Variants in GARNL3 observed in about 807,000 individuals in gnomAD.
GARNL3 encodes GTPase-activating Rap/Ran-GAP domain-like protein 3.
In GARNL3, 63 loss-of-function variants were observed where a neutral mutation model predicts 125.0. That is an observed-to-expected ratio of 0.50 (90% CI 0.41 to 0.62). The LOEUF (loss-of-function observed/expected upper bound fraction) is 0.62, where lower values mean the gene tolerates loss of function less well. GARNL3 is among the 20% of genes least tolerant of loss of function. GARNL3 has a pLI of 0.00. For synonymous variants in GARNL3, 439 were observed against 457.5 expected, an observed-to-expected ratio of 0.96 and a Z score of 0.52; for missense variants, 994 against 1,244.0, an observed-to-expected ratio of 0.80 and a Z score of 3.02.
At chr9:127,235,957 G>A (rs1360806772) in intron 1 of GARNL3, among the ~76,000 whole-genome samples, 1 of 152,186 alleles carries the variant, frequency 6.6e-6, no homozygotes, top group Non-Finnish European at 1.5e-5. Flanking sequence ...GTTTTATAAA[G>A]ATGTTTATAT....
At chr9:127,378,584 T>C (rs1389168297) in intron 22 of GARNL3, among the ~76,000 whole-genome samples, 2 of 21,256 alleles carry the variant, frequency 9.4e-5, no homozygotes, top group Non-Finnish European at 1.8e-4. Flanking sequence ...TGAAACTCCG[T>C]CACAAAAAAA....
Position 127,345,461 on chromosome 9 carries a change from G to A in GARNL3, c.1415G>A (p.Gly472Glu), listed in dbSNP as rs555374127. Reference protein sequence around the residue: ...GDAPSSLAASGICKKEPWEPQ... With the variant: ...GDAPSSLAASEICKKEPWEPQ... ...GCTCCATCAAGCTTGGCAGCTTCAG[G>A]GATCTGTAAAAAAGAGGTGAGTTCA... Residue 472 changes from glycine (G) to glutamate (E), a missense_variant, in exon 16 of 28, where the codon GGG becomes GAG. Transcript: ENST00000373387. 8.1e-6 allele frequency: 13 copies of A among 1,604,460 alleles called. No individual in the cohort carries two copies. In the African/African-American group the frequency reaches 1.6e-4, roughly 20 times the overall value.
exon 2 of GARNL3, chr9:127,243,207 C>G: frequency 2.2e-6 from 3 of 1,366,626 alleles, no homozygotes; most frequent in Non-Finnish European, 2.9e-6. Context: ...CCCCTTCAGA[C>G]ATGGCCAACG....
intron 13 of GARNL3, 114 bp downstream of exon 13, chr9:127,339,865 C>A: frequency 1.3e-6 from 1 of 755,226 alleles, no homozygotes; most frequent in Non-Finnish European, 2.4e-6. Flanking sequence ...TTCCATGTTC[C>A]GTTAATTCTT....
intron 22 of GARNL3, among the ~76,000 whole-genome samples, chr9:127,379,608 T>C (rs1415928697): frequency 6.6e-6 from 1 of 152,164 alleles, no homozygotes; most frequent in East Asian, 1.9e-4. Flanking sequence ...CTGTGAATAA[T>C]GAGTTCTTGA....
intron 2 of GARNL3, among the ~76,000 whole-genome samples, chr9:127,305,644 C>T (rs2064932353): frequency 6.6e-6 from 1 of 151,984 alleles, no homozygotes; most frequent in Non-Finnish European, 1.5e-5. Context: ...ACTATCATGG[C>T]TCACTGCAGC....
chr9:127,291,836 C>G (rs1159891463), intron 2 of GARNL3, among the ~76,000 whole-genome samples: 2 of 147,092 alleles, frequency 1.4e-5, no homozygotes, highest in African/African-American at 5.0e-5. Context: ...TCTTTGCTGC[C>G]TTTTTACACG....
At chr9:127,270,749 T>C (rs2063805062) in intron 1 of GARNL3, among the ~76,000 whole-genome samples, 1 of 152,268 alleles carries the variant, frequency 6.6e-6, no homozygotes, top group Non-Finnish European at 1.5e-5. Context: ...CTACTCTGTA[T>C]TGTTCATTGT....
intron 1 of GARNL3, among the ~76,000 whole-genome samples, chr9:127,270,242 G>A (rs1029342331): frequency 4.6e-5 from 7 of 152,192 alleles, no homozygotes; most frequent in Admixed American, 2.0e-4. Context: ...ATAGATGTGA[G>A]GGTTAGTTTC....
intron 9 of GARNL3, among the ~76,000 whole-genome samples, chr9:127,333,556 G>A (rs1829382666): frequency 6.6e-6 from 1 of 152,156 alleles, no homozygotes; most frequent in South Asian, 2.1e-4. Flanking sequence ...GTGCTATGGG[G>A]CATTTTGCCT....
rs763160611 is a variant in GARNL3 at position 127,391,524 on chromosome 9, C to CAAAAA, written c.2870+763_2870+767dup. 5.8e-4 allele frequency among the ~76,000 whole-genome samples: 41 copies of CAAAAA among 70,480 alleles called. 3 individuals are homozygous for CAAAAA. The highest frequency in any genetic ancestry group is 1.8e-3 in the African/African-American group (41 of 23,036). 46.2% of individuals were successfully genotyped at this position (70,480 alleles called of 152,430 possible). ...GGCAACACAGCAAGACCCATCTCTA[C>CAAAAA]AAAAAAAAAATATATATATATATAT... is the stretch of plus-strand genomic sequence containing the variant. On this transcript the variant is annotated intron_variant, in intron 27 of 27. Coordinates refer to ENST00000373387, the MANE Select transcript of GARNL3 (RefSeq NM_032293.5).
At chr9:127,354,018 G>A (rs992223848) in intron 18 of GARNL3, 74 bp downstream of exon 18, 8 of 986,268 alleles carry the variant, frequency 8.1e-6, no homozygotes, top group Admixed American at 7.3e-5. Flanking sequence ...ACCACAGGTC[G>A]CCAGGGTCTG....
At chr9:127,339,296 C>CAAAAA (rs58392654) in intron 12 of GARNL3, among the ~76,000 whole-genome samples, 1 of 120,904 alleles carries the variant, frequency 8.3e-6, no homozygotes, top group African/African-American at 2.9e-5. Context: ...GACTCCGTCT[C>CAAAAA]AAAAAAAAAA....
chr9:127,241,765 GTTTGTTTTGT>G (rs892503182), intron 1 of GARNL3, among the ~76,000 whole-genome samples: 2 of 136,804 alleles, frequency 1.5e-5, no homozygotes, highest in Non-Finnish European at 3.0e-5. Context: ...TTGTTTGTTT[GTTTGTTTTGT>G]TTTGTTTTGT....
chr9:127,391,533 A>AAAAAAAAAAAAAAAAATATATATATAT lies in GARNL3; in HGVS notation c.2870+767_2870+768insAAAAAAAAAAAAAAATATATATATATA. 7.4e-4 allele frequency among the ~76,000 whole-genome samples: 56 copies of AAAAAAAAAAAAAAAAATATATATATAT among 75,798 alleles called. 1 individual carries two copies. The highest frequency in any genetic ancestry group is 1.4e-3 in the Non-Finnish European group (43 of 31,412). The allele number at this position is 75,798 out of a possible 152,430, so 49.7% of individuals were successfully genotyped here. On this transcript the variant is annotated intron_variant, in intron 27 of 27. Coordinates refer to ENST00000373387, the MANE Select transcript of GARNL3 (RefSeq NM_032293.5). ...GCAAGACCCATCTCTACAAAAAAAA[A>AAAAAAAAAAAAAAAAATATATATATAT]ATATATATATATATATATAGGCTGG...
chr9:127,322,798 G>A (rs984909212), intron 6 of GARNL3, among the ~76,000 whole-genome samples: 5 of 152,186 alleles, frequency 3.3e-5, no homozygotes, highest in African/African-American at 7.2e-5. Context: ...GGTGGCTGGT[G>A]CTGTTTTTAA....
At chr9:127,349,968 C>T (rs1010982415) in intron 17 of GARNL3, among the ~76,000 whole-genome samples, 1 of 152,180 alleles carries the variant, frequency 6.6e-6, no homozygotes, top group Non-Finnish European at 1.5e-5. Context: ...CTCCCTCCGA[C>T]GCTTACTGGG....
intron 7 of GARNL3, among the ~76,000 whole-genome samples, chr9:127,331,468 G>A (rs1180006170): frequency 2.0e-5 from 3 of 151,758 alleles, no homozygotes; most frequent in Admixed American, 2.0e-4. Flanking sequence ...ACTCCAGCCT[G>A]GGTGACAGAG....
chr9:127,381,774 T>C (rs1832274597), intron 22 of GARNL3, among the ~76,000 whole-genome samples: 2 of 151,562 alleles, frequency 1.3e-5, no homozygotes, highest in Non-Finnish European at 3.0e-5. Context: ...TTTTTTTTTT[T>C]TTTTGTATTT....
Sources: allele counts gnomAD v4.1 joint callset (sites outside exome capture counted in the v4.1 genomes callset), GRCh38; gene constraint gnomAD v4.1.1; transcripts MANE v1.5; gene names NCBI Gene and HGNC (gene_info 2026-07-23, HGNC 2026-07-21).